ZNF362: variants seen among roughly 807,000 people sequenced by gnomAD.
ZNF362 encodes rotund homolog.
In ZNF362, 11 loss-of-function variants were observed where a neutral mutation model predicts 42.9. That is an observed-to-expected ratio of 0.26 (90% CI 0.16 to 0.42). The LOEUF (loss-of-function observed/expected upper bound fraction) is 0.42. Among genes scored for constraint, ZNF362 ranks in the 20% least tolerant of loss-of-function variants. The pLI, the probability that ZNF362 is intolerant of heterozygous loss-of-function variation, is 1.00. For missense variants in ZNF362, 362 were observed against 576.2 expected, an observed-to-expected ratio of 0.63 and a Z score of 3.81; for synonymous variants, 255 against 257.3, an observed-to-expected ratio of 0.99 and a Z score of 0.09.
At chr1:33,270,451 A>G (rs1379002368) in intron 1 of ZNF362, 36 bp from the exon 2 acceptor site, 1 of 629,196 alleles carries the variant, frequency 1.6e-6, no homozygotes, top group African/African-American at 1.8e-5. Flanking sequence ...TATTATTATT[A>G]TTGTTATTAT....
the ZNF362 span, among the ~76,000 whole-genome samples, chr1:33,135,409 T>C: frequency 1.3e-5 from 2 of 152,228 alleles, no homozygotes; most frequent in African/African-American, 4.8e-5. Flanking sequence ...GAGCCAGACA[T>C]GTGGCCCACC....
the ZNF362 span, chr1:33,181,114 G>C: frequency 6.2e-7 from 1 of 1,600,216 alleles, no homozygotes; most frequent in African/African-American, 1.3e-5. The surrounding 1 kb of genome is among the most constrained non-coding windows in gnomAD (Gnocchi z 6.5). Context: ...AGAAGCGCGC[G>C]GTCCGTGAGG....
chr1:33,292,981 C>T (rs996670852), intron 6 of ZNF362, among the ~76,000 whole-genome samples: 8 of 152,220 alleles, frequency 5.3e-5, no homozygotes, highest in African/African-American at 1.9e-4. Context: ...TCTCTTGGCA[C>T]AGCTGTTGTG....
At chr1:33,128,867 G>C in the ZNF362 span, among the ~76,000 whole-genome samples, 3 of 152,226 alleles carry the variant, frequency 2.0e-5, no homozygotes, top group Non-Finnish European at 4.4e-5. Flanking sequence ...GATCTTTTCA[G>C]ATATCCAAGT....
upstream of ZNF362, among the ~76,000 whole-genome samples, chr1:33,251,571 T>C (rs1446901392): frequency 5.3e-5 from 8 of 152,200 alleles, no homozygotes; most frequent in African/African-American, 1.7e-4. Flanking sequence ...AACACCTTCC[T>C]GGGACTTCCT....
chr1:33,212,575 C>A, the ZNF362 span, among the ~76,000 whole-genome samples: 12 of 151,920 alleles, frequency 7.9e-5, no homozygotes, highest in Non-Finnish European at 1.2e-4. Context: ...TCTGGTGAGG[C>A]CTCAGGAAAC....
the ZNF362 span, among the ~76,000 whole-genome samples, chr1:33,132,868 C>T: frequency 1.3e-5 from 2 of 152,166 alleles, no homozygotes; most frequent in South Asian, 2.1e-4. Context: ...TTAAAATTAG[C>T]GGCATGAGAG....
At chr1:33,216,822 C>T in the ZNF362 span, among the ~76,000 whole-genome samples, 15 of 151,892 alleles carry the variant, frequency 9.9e-5, no homozygotes, top group South Asian at 3.1e-3. Flanking sequence ...GATGGGCCCC[C>T]TGTGCAGGTG....
Position 33,276,096 on chromosome 1 carries a change from G to T in ZNF362, c.39-4G>T, listed in dbSNP as rs184030799. On this transcript the variant is annotated splice_polypyrimidine_tract_variant and splice_region_variant and intron_variant, in intron 2 of 8. Transcript: ENST00000539719. ...TCCCGGTGACAGTCGCTCTCTTCCC[G>T]CAGGATGGCCGAGCCTCGATTTAAC... The T allele has an allele frequency of 2.5e-6, 4 of 1,613,964 alleles. No individual in the cohort carries two copies. In the African/African-American group the frequency reaches 4.0e-5, roughly 16 times the overall value.
chr1:33,230,236 T>C, the ZNF362 span, among the ~76,000 whole-genome samples: 4,124 of 152,244 alleles, frequency 0.027, 183 homozygotes, highest in African/African-American at 0.094. Context: ...TGGTGGGTGG[T>C]GAGGATTAAA....
chr1:33,202,852 AT>A, the ZNF362 span, among the ~76,000 whole-genome samples: 1 of 152,022 alleles, frequency 6.6e-6, no homozygotes, highest in Non-Finnish European at 1.5e-5. Flanking sequence ...TTTATTTAAA[AT>A]TTTTATTGTA....
chr1:33,265,291 T>G (rs1429121622), intron 1 of ZNF362, among the ~76,000 whole-genome samples: 6 of 121,524 alleles, frequency 4.9e-5, no homozygotes, highest in Non-Finnish European at 7.2e-5. Context: ...TAGCTGGAGG[T>G]GGGAATGGGG....
chr1:33,283,941 G>C (rs1646014367), intron 6 of ZNF362, among the ~76,000 whole-genome samples: 1 of 152,208 alleles, frequency 6.6e-6, no homozygotes, highest in Non-Finnish European at 1.5e-5. Context: ...GGTTCTTAAA[G>C]AGCATTTGAT....
the ZNF362 span, chr1:33,199,878 A>G: frequency 6.6e-6 from 1 of 152,132 alleles, no homozygotes; most frequent in Non-Finnish European, 1.5e-5. Flanking sequence ...GCCAGGTGTG[A>G]TAGCAGGTGC....
chr1:33,165,341 G>A, the ZNF362 span: 7 of 800,988 alleles, frequency 8.7e-6, no homozygotes, highest in African/African-American at 1.0e-4. The surrounding 1 kb of genome is among the most constrained non-coding windows in gnomAD (Gnocchi z 4.0). Flanking sequence ...TCTCACTCCA[G>A]GTTTGGCTCC....
chr1:33,174,163 G>A, the ZNF362 span, among the ~76,000 whole-genome samples: 1 of 149,692 alleles, frequency 6.7e-6, no homozygotes, highest in Non-Finnish European at 1.5e-5. Flanking sequence ...CAGGCCCTTA[G>A]GCACAGTTTC....
At chr1:33,284,739 G>GA (rs1385617451) in intron 6 of ZNF362, among the ~76,000 whole-genome samples, 11 of 150,258 alleles carry the variant, frequency 7.3e-5, no homozygotes, top group South Asian at 2.1e-4. Flanking sequence ...CAGTAATAAA[G>GA]AAAAAAAAAG....
chr1:33,271,468 C>T (rs1645903608), intron 2 of ZNF362, among the ~76,000 whole-genome samples: 1 of 152,246 alleles, frequency 6.6e-6, no homozygotes, highest in South Asian at 2.1e-4. Flanking sequence ...TAATCCCTTA[C>T]ATGGGGGGCA....
At chr1:33,246,990 G>A in the ZNF362 span, among the ~76,000 whole-genome samples, 1 of 152,322 alleles carries the variant, frequency 6.6e-6, no homozygotes, top group East Asian at 1.9e-4. Context: ...AAAGAATAAA[G>A]CTGATGTTCA....
Sources: gnomAD v4.1 joint callset for allele counts (sites outside exome capture counted in the v4.1 genomes callset) on GRCh38, gnomAD v4.1.1 for gene constraint, Gnocchi (gnomAD v3.1) non-coding constraint, MANE v1.5 for transcripts, NCBI Gene and HGNC (gene_info 2026-07-23, HGNC 2026-07-21) for gene names.